PTPRN2: variants seen among roughly 807,000 people sequenced by gnomAD.
PTPRN2 encodes protein tyrosine phosphatase receptor type N2, also known as receptor-type tyrosine-protein phosphatase N2.
Under a neutral mutation model 118.8 loss-of-function variants are expected in PTPRN2, and 74 were observed. The observed-to-expected ratio is 0.62, with a 90% CI of 0.52 to 0.76. PTPRN2 has a LOEUF of 0.76. PTPRN2 is among the 30% of genes least tolerant of loss of function. PTPRN2 has a pLI of 0.00. For missense variants in PTPRN2, 1,481 were observed against 1,394.4 expected (o/e 1.06, Z -0.99); for synonymous variants, 641 against 608.0 (o/e 1.05, Z -0.80).
chr7:158,148,977 C>G (rs1272276760), intron 6 of PTPRN2, among the ~76,000 whole-genome samples: 7 of 131,882 alleles, frequency 5.3e-5, no homozygotes, highest in Non-Finnish European at 8.1e-5. Context: ...AATGACACCC[C>G]ATCTCACGCC....
chr7:158,036,115 C>T (rs1808072037), intron 11 of PTPRN2, among the ~76,000 whole-genome samples: 1 of 152,074 alleles, frequency 6.6e-6, no homozygotes, highest in Non-Finnish European at 1.5e-5. Flanking sequence ...AGGAAAGATG[C>T]AAAATAAATA....
chr7:158,047,590 AG>A (rs1354953006), intron 11 of PTPRN2, among the ~76,000 whole-genome samples: 2 of 150,872 alleles, frequency 1.3e-5, no homozygotes, highest in Non-Finnish European at 3.0e-5. Context: ...AGTCACTGAG[AG>A]TGCAAGGGCT....
At chr7:158,143,589 AG>A (rs1396014956) in intron 6 of PTPRN2, among the ~76,000 whole-genome samples, 1 of 152,198 alleles carries the variant, frequency 6.6e-6, no homozygotes. Flanking sequence ...TGCTAAGGAA[AG>A]GTCCTTCCTG....
At chr7:157,540,932 T>G (rs980181517) in intron 22 of PTPRN2, 147 bp from the exon 23 acceptor site, 6 of 673,504 alleles carry the variant, frequency 8.9e-6, no homozygotes, top group Non-Finnish European at 1.3e-5. Flanking sequence ...AAGAAATTGT[T>G]TAGCAAAAAA....
chr7:158,287,220 T>C (rs962359194), intron 3 of PTPRN2, among the ~76,000 whole-genome samples: 1 of 152,142 alleles, frequency 6.6e-6, no homozygotes, highest in Non-Finnish European at 1.5e-5. Flanking sequence ...TTGACTTTTC[T>C]CTTTTTTCTT....
chr7:157,609,219 C>A lies in PTPRN2; in HGVS notation c.2345-5144G>T, dbSNP rs778245144. 2.6e-5 allele frequency among the ~76,000 whole-genome samples: 4 copies of A among 152,080 alleles called. No homozygotes were observed. The highest frequency in any genetic ancestry group is 5.9e-5 in the Non-Finnish European group (4 of 68,030). On this transcript the variant is annotated intron_variant, in intron 15 of 22. Coordinates refer to ENST00000389418, the MANE Select transcript of PTPRN2 (RefSeq NM_002847.5). The surrounding 1 kb of genome is among the most constrained non-coding windows in gnomAD (Gnocchi z 4.9). ...CCAAAGTGGCAAAACCACGTCTCTA[C>A]TAAAAATACAAAAATTAGCCAGGCG... is the stretch of plus-strand genomic sequence containing the variant.
chr7:157,941,391 TCATGACACTGCAAATCTAACACCCTCCCC>T (rs1208264917), intron 11 of PTPRN2, among the ~76,000 whole-genome samples: 2 of 38,768 alleles, frequency 5.2e-5, no homozygotes, highest in African/African-American at 3.1e-4. Flanking sequence ...ACCCTCTCAA[TCATGACACTGCAAATCTAACACCCTCCCC>T]CATGACACTG....
rs137870761 is a variant in PTPRN2, at chr7:157,590,588, C to T, written c.2496+4650G>A. Reference sequence around the variant, plus strand: ...TGAGTGGTGACCCTCCGTGGATTTTCGTGCACGTTCTGGGCTCTGCTCAGG... The same window carrying T: ...TGAGTGGTGACCCTCCGTGGATTTTTGTGCACGTTCTGGGCTCTGCTCAGG... On this transcript the variant is annotated intron_variant, in intron 17 of 22. Coordinates refer to ENST00000389418, the MANE Select transcript of PTPRN2 (RefSeq NM_002847.5). The surrounding 1 kb of genome is among the most constrained non-coding windows in gnomAD (Gnocchi z 4.0). 3.0e-3 allele frequency among the ~76,000 whole-genome samples: 460 copies of T among 152,332 alleles called. 6 individuals carry two copies. The highest frequency in any genetic ancestry group is 0.014 in the East Asian group (71 of 5,178).
intron 1 of PTPRN2, among the ~76,000 whole-genome samples, chr7:158,516,406 GC>G (rs1456158739): frequency 2.0e-5 from 3 of 152,160 alleles, no homozygotes; most frequent in Admixed American, 2.0e-4. Flanking sequence ...TCCTTACAAG[GC>G]ACAAAGGTGC....
chr7:158,537,007 G>T (rs1825686989), intron 1 of PTPRN2, among the ~76,000 whole-genome samples: 2 of 152,192 alleles, frequency 1.3e-5, no homozygotes, highest in Admixed American at 1.3e-4. Flanking sequence ...TGGGCCATCA[G>T]GGTGGAGCCT....
rs1482669231 is a variant in PTPRN2 at position 157,591,939 on chromosome 7, T to C, written c.2496+3299A>G. Among the ~76,000 whole-genome samples the C allele has an allele frequency of 6.6e-6, 1 of 152,178 alleles. No individual in the cohort carries two copies. The highest frequency in any genetic ancestry group is 1.5e-5 in the Non-Finnish European group (1 of 68,026). On this transcript the variant is annotated intron_variant, in intron 17 of 22. Transcript: ENST00000389418. The surrounding 1 kb of genome is among the most constrained non-coding windows in gnomAD (Gnocchi z 4.4). The stretch of plus-strand genomic sequence containing the variant: ...GCGAGTTTCTTTAGTTCACAATTTC[T>C]CAGAGGCTCTGCTCGGCTGGCATGC...
At chr7:158,123,689 A>G (rs781023720) in intron 9 of PTPRN2, among the ~76,000 whole-genome samples, 6 of 152,360 alleles carry the variant, frequency 3.9e-5, no homozygotes, top group Middle Eastern at 3.4e-3. Context: ...ATTTTTTGGC[A>G]TAAGGATGAG....
intron 2 of PTPRN2, among the ~76,000 whole-genome samples, chr7:158,413,323 A>G (rs1003268709): frequency 1.3e-5 from 2 of 152,404 alleles, no homozygotes; most frequent in Admixed American, 6.5e-5. Context: ...AGAAAAGGAA[A>G]GATAATTCAA....
chr7:158,318,256 G>A (rs181849681), intron 2 of PTPRN2, among the ~76,000 whole-genome samples: 4 of 152,344 alleles, frequency 2.6e-5, no homozygotes, highest in Non-Finnish European at 4.4e-5. Flanking sequence ...GCAAGCAGGA[G>A]TGGGAAAGGG....
intron 12 of PTPRN2, among the ~76,000 whole-genome samples, chr7:157,762,314 A>G (rs1309836830): frequency 6.6e-6 from 1 of 152,178 alleles, no homozygotes; most frequent in African/African-American, 2.4e-5. Flanking sequence ...TTGCAGCATT[A>G]TTCACGATAG....
chr7:157,617,925 C>A lies in PTPRN2; in HGVS notation c.2344+3437G>T, dbSNP rs1001367303. 1.3e-5 allele frequency: 2 copies of A among 152,196 alleles called. No individual in the cohort carries two copies. Among genetic ancestry groups the A allele is most frequent in the African/African-American group, 4.8e-5 (2 of 41,434 alleles). 9.4% of individuals were successfully genotyped at this position (152,196 alleles called of 1,614,324 possible). On this transcript the variant is annotated intron_variant, in intron 15 of 22. Coordinates refer to ENST00000389418, the MANE Select transcript of PTPRN2 (RefSeq NM_002847.5). The surrounding 1 kb of genome is among the most constrained non-coding windows in gnomAD (Gnocchi z 7.5). Reference sequence around the variant, plus strand: ...ATACTTTTTTGTTTAGGATATGGCACCAAAATAGTATCATATCCCTGTTCT... The same window carrying A: ...ATACTTTTTTGTTTAGGATATGGCAACAAAATAGTATCATATCCCTGTTCT...
intron 11 of PTPRN2, among the ~76,000 whole-genome samples, chr7:158,051,283 C>A (rs923334444): frequency 6.6e-6 from 1 of 152,196 alleles, no homozygotes; most frequent in Admixed American, 6.5e-5. Flanking sequence ...GAGGAAACTG[C>A]CTGATCTCCG....
intron 12 of PTPRN2, among the ~76,000 whole-genome samples, chr7:157,832,066 C>T (rs1393429733): frequency 6.6e-6 from 1 of 152,168 alleles, no homozygotes; most frequent in African/African-American, 2.4e-5. Flanking sequence ...GGCACTTGCA[C>T]AACCATGTGA....
At chr7:158,276,857 G>A (rs1799041572) in intron 3 of PTPRN2, among the ~76,000 whole-genome samples, 1 of 152,208 alleles carries the variant, frequency 6.6e-6, no homozygotes, top group Admixed American at 6.5e-5. Flanking sequence ...GGCAGGGGCG[G>A]AGGGTGCGAG....
Sources: gnomAD v4.1 joint callset for allele counts (sites outside exome capture counted in the v4.1 genomes callset) on GRCh38, gnomAD v4.1.1 for gene constraint, Gnocchi (gnomAD v3.1) non-coding constraint, MANE v1.5 for transcripts, NCBI Gene and HGNC (gene_info 2026-07-23, HGNC 2026-07-21) for gene names.